NEUROG3: variants seen among roughly 807,000 people sequenced by gnomAD.
The protein encoded by NEUROG3 is neurogenin-3.
For synonymous variants in NEUROG3, 161 were observed against 139.2 expected, an observed-to-expected ratio of 1.16 and a Z score of -1.10; for missense variants, 307 against 297.9, an observed-to-expected ratio of 1.03 and a Z score of -0.22.
rs1299081165 is a variant in NEUROG3, at chr10:69,572,947, TG to T, written c.96del (p.Thr33ArgfsTer45). On this transcript the variant is annotated frameshift_variant, in exon 2 of 2. Coordinates refer to ENST00000242462, the MANE Select transcript of NEUROG3 (RefSeq NM_020999.4). LOFTEE classifies it low-confidence loss of function (END_TRUNC). Reference sequence around the variant, plus strand: ...CGAGTGGGGCTGGGCGGGGCGGACGTGGGGCAGGTCACTTCGTCTTCCGAGG... The same window carrying T: ...CGAGTGGGGCTGGGCGGGGCGGACGTGGGCAGGTCACTTCGTCTTCCGAGG... ...PRASEDEVTCPTSAPPSPTRT... is the reference protein window; with the variant it reads ...PRASEDEVTCXTSAPPSPTRT... 1 of 1,612,798 alleles carries T rather than the reference TG, an allele frequency of 6.2e-7. No individual in the cohort carries two copies. Among genetic ancestry groups the T allele is most frequent in the Admixed American group, 1.7e-5 (1 of 59,994 alleles).
rs1387897394 is a variant in NEUROG3 at position 69,572,816 on chromosome 10, T to G, written c.228A>C (p.Ala76=). 3.1e-6 allele frequency: 5 copies of G among 1,612,714 alleles called. No individual in the cohort carries two copies. The Admixed American group carries it at 8.4e-5, about 27-fold the overall frequency. The change falls in exon 2 of 2, where the codon GCA becomes GCC. Residue 76 remains alanine (A), a synonymous_variant. Coordinates refer to ENST00000242462, the MANE Select transcript of NEUROG3 (RefSeq NM_020999.4). ...GCCGACTCCGTCGCTGCTTGCTCAG[T>G]GCCAACTCGCTCTTAGGCCGGCTGC... ...GGRSRPKSEL[A]LSKQRRSRRK...
At position 69,572,618 on chromosome 10, in the gene NEUROG3, C is replaced by T. The variant is rs369337011; in HGVS notation, c.426G>A (p.Ala142=). The T allele has an allele frequency of 6.2e-7, 1 of 1,614,024 alleles. No individual in the cohort carries two copies. Among genetic ancestry groups the T allele is most frequent in the South Asian group, 1.1e-5 (1 of 91,074 alleles). The change falls in exon 2 of 2, where the codon GCG becomes GCA. Residue 142 remains alanine (A), a synonymous_variant. Coordinates refer to ENST00000242462, the MANE Select transcript of NEUROG3 (RefSeq NM_020999.4). ...GCTCCAGCGCGTACAAGCTGTGGTC[C>T]GCTATGCGCAGCGTTTGAGTCAGCG... is the stretch of plus-strand genomic sequence containing the variant. ...IWALTQTLRI[A]DHSLYALEPP...
In NEUROG3 at chr10:69,572,549, G is replaced by A; in HGVS notation, c.495C>T (p.Ser165=). Reference sequence around the variant, plus strand: ...AGTAGAGGGACCCCCAGTCCCCGGGGGAACCGCCTGGGCTGCCCAGCTCCC... The same window carrying A: ...AGTAGAGGGACCCCCAGTCCCCGGGAGAACCGCCTGGGCTGCCCAGCTCCC... The part of the protein sequence containing the change: ...HCGELGSPGG[S]PGDWGSLYSP... Residue 165 remains serine (S), a synonymous_variant, in exon 2 of 2, where the codon TCC becomes TCT. Transcript: ENST00000242462. The A allele has an allele frequency of 6.2e-7, 1 of 1,609,618 alleles. No individual in the cohort carries two copies. The highest frequency in any genetic ancestry group is 8.5e-7 in the Non-Finnish European group (1 of 1,177,984).
rs2133226935 is a variant in NEUROG3 at position 69,572,605 on chromosome 10, A to T, written c.439T>A (p.Tyr147Asn). 6.2e-7 allele frequency: 1 copy of T among 1,613,974 alleles called. No individual in the cohort carries two copies. Among genetic ancestry groups the T allele is most frequent in the African/African-American group, 1.3e-5 (1 of 75,060 alleles). ...QTLRIADHSL[Y>N]ALEPPAPHCG... ...TGCGGCGCCGGCGGCTCCAGCGCGTACAAGCTGTGGTCCGCTATGCGCAGC... is the reference window on the plus strand; with the variant it reads ...TGCGGCGCCGGCGGCTCCAGCGCGTTCAAGCTGTGGTCCGCTATGCGCAGC... Residue 147 changes from tyrosine (Y) to asparagine (N), a missense_variant, in exon 2 of 2, where the codon TAC becomes AAC. Coordinates refer to ENST00000242462, the MANE Select transcript of NEUROG3 (RefSeq NM_020999.4).
Position 69,571,963 on chromosome 10 carries a change from C to A in NEUROG3, c.*436G>T. On this transcript the variant is annotated 3_prime_UTR_variant, in exon 2 of 2. Transcript: ENST00000242462. ...TTTGGAGCAAGGCAAGGGGAGTAAG[C>A]GCTGAGAGACCAAACATTGGATTGA... 1 of 197,484 alleles carries A rather than the reference C, an allele frequency of 5.1e-6. No homozygotes were observed. Among genetic ancestry groups the A allele is most frequent in the South Asian group, 1.0e-4 (1 of 9,610 alleles). 12.2% of individuals were successfully genotyped at this position (197,484 alleles called of 1,614,324 possible).
rs775785969 is a variant in NEUROG3 at position 69,573,012 on chromosome 10, A to G, written c.32T>C (p.Val11Ala). 11 of 1,613,596 alleles carry G rather than the reference A, an allele frequency of 6.8e-6. No individual in the cohort carries two copies. The South Asian group carries it at 1.2e-4, about 18-fold the overall frequency. The part of the protein sequence containing the change: MTPQPSGAPT[V>A]QVTRETERSF... ...CCGCTCCGTCTCACGGGTCACTTGG[A>G]CAGTGGGCGCACCCGAGGGTTGAGG... Residue 11 changes from valine to alanine, a missense_variant, in exon 2 of 2, where the codon GTC becomes GCC. Coordinates refer to ENST00000242462, the MANE Select transcript of NEUROG3 (RefSeq NM_020999.4).
intron 1 of NEUROG3, 73 bp downstream of exon 1, chr10:69,573,137 A>C: frequency 3.5e-6 from 5 of 1,416,806 alleles, no homozygotes; most frequent in Non-Finnish European, 4.9e-6. Flanking sequence ...AAAAACAGCC[A>C]TCCTCCCAGC....
At chr10:69,573,156 GGTCA>G in intron 1 of NEUROG3, 50 bp downstream of exon 1, 2 of 1,229,088 alleles carry the variant, frequency 1.6e-6, no homozygotes, top group Non-Finnish European at 2.3e-6. Flanking sequence ...GCCCCCGCTG[GGTCA>G]GAGGATCCCT....
In NEUROG3 at chr10:69,572,463, A is replaced by C. The variant is rs773447910; in HGVS notation, c.581T>G (p.Leu194Arg). 1 of 1,590,044 alleles carries C rather than the reference A, an allele frequency of 6.3e-7. No individual in the cohort carries two copies. The highest frequency in any genetic ancestry group is 8.6e-7 in the Non-Finnish European group (1 of 1,169,560). ...GCAGGCGGAAAAGGTGGCCCCCAGCAGCCCGGGTCGCTCCTCCAGCGACGC... is the reference window on the plus strand; with the variant it reads ...GCAGGCGGAAAAGGTGGCCCCCAGCCGCCCGGGTCGCTCCTCCAGCGACGC... ...PAASLEERPG[L>R]LGATFSACLS... is the part of the protein sequence containing the mutation. Residue 194 changes from leucine (L) to arginine (R), a missense_variant, in exon 2 of 2, where the codon CTG becomes CGG. By Grantham distance (102) the Leu-to-Arg change is moderately radical. Coordinates refer to ENST00000242462, the MANE Select transcript of NEUROG3 (RefSeq NM_020999.4).
At position 69,572,643 on chromosome 10, in the gene NEUROG3, G is replaced by T. The variant is rs774084211; in HGVS notation, c.401C>A (p.Ala134Glu). 1 of 1,614,126 alleles carries T rather than the reference G, an allele frequency of 6.2e-7. No individual in the cohort carries two copies. The highest frequency in any genetic ancestry group is 1.7e-5 in the Admixed American group (1 of 60,034). The change falls in exon 2 of 2, where the codon GCG (alanine) becomes GAG (glutamate). Residue 134 changes from alanine (A) to glutamate (E), a missense_variant. Transcript: ENST00000242462. ...TLRFAHNYIW[A>E]LTQTLRIADH... ...CGCTATGCGCAGCGTTTGAGTCAGC[G>T]CCCAGATGTAGTTGTGGGCGAAGCG... is the stretch of plus-strand genomic sequence containing the variant.
intron 1 of NEUROG3, 21 bp from the exon 2 acceptor site, chr10:69,573,065 A>C: frequency 1.2e-6 from 2 of 1,609,076 alleles, no homozygotes; most frequent in African/African-American, 2.7e-5. Flanking sequence ...GTCAGAGGGA[A>C]GGGTAAGTTT....
Position 69,572,883 on chromosome 10 carries a change from C to T in NEUROG3, c.161G>A (p.Cys54Tyr), listed in dbSNP as rs1362519794. 6.2e-7 allele frequency: 1 copy of T among 1,609,836 alleles called. No individual in the cohort carries two copies. Among genetic ancestry groups the T allele is most frequent in the Non-Finnish European group, 8.5e-7 (1 of 1,178,524 alleles). Residue 54 changes from cysteine (C) to tyrosine (Y), a missense_variant, in exon 2 of 2, where the codon TGC becomes TAC. Cys to Tyr is a radical substitution (Grantham distance 194). Coordinates refer to ENST00000242462, the MANE Select transcript of NEUROG3 (RefSeq NM_020999.4). ...GNCAEAEEGG[C>Y]RGAPRKLRAR... ...CCGGAGCTTCCTCGGGGCCCCTCGGCAGCCTCCCTCTTCCGCCTCTGCGCA... is the reference window on the plus strand; with the variant it reads ...CCGGAGCTTCCTCGGGGCCCCTCGGTAGCCTCCCTCTTCCGCCTCTGCGCA...
At position 69,572,596 on chromosome 10, in the gene NEUROG3, C is replaced by G. The variant is rs745978712; in HGVS notation, c.448G>C (p.Glu150Gln). Reference sequence around the variant, plus strand: ...TCCCCGCAGTGCGGCGCCGGCGGCTCCAGCGCGTACAAGCTGTGGTCCGCT... The same window carrying G: ...TCCCCGCAGTGCGGCGCCGGCGGCTGCAGCGCGTACAAGCTGTGGTCCGCT... ...RIADHSLYAL[E>Q]PPAPHCGELG... is the part of the protein sequence containing the mutation. The change falls in exon 2 of 2, where the codon GAG (glutamate) becomes CAG (glutamine). Residue 150 changes from glutamate to glutamine, a missense_variant. Coordinates refer to ENST00000242462, the MANE Select transcript of NEUROG3 (RefSeq NM_020999.4). The G allele has an allele frequency of 3.1e-6, 5 of 1,613,790 alleles. No homozygotes were observed. In the Admixed American group the frequency reaches 8.3e-5, roughly 27 times the overall value.
chr10:69,572,568 A>C lies in NEUROG3; in HGVS notation c.476T>G (p.Leu159Arg). The part of the protein sequence containing the change: ...LEPPAPHCGE[L>R]GSPGGSPGDW... ...CCCGGGGGAACCGCCTGGGCTGCCC[A>C]GCTCCCCGCAGTGCGGCGCCGGCGG... is the stretch of plus-strand genomic sequence containing the variant. Residue 159 changes from leucine (L) to arginine (R), a missense_variant, in exon 2 of 2, where the codon CTG (leucine) becomes CGG (arginine). Physicochemically the swap from Leu to Arg is moderately radical, Grantham distance 102. Coordinates refer to ENST00000242462, the MANE Select transcript of NEUROG3 (RefSeq NM_020999.4). 6.2e-7 allele frequency: 1 copy of C among 1,612,816 alleles called. No individual in the cohort carries two copies. The highest frequency in any genetic ancestry group is 8.5e-7 in the Non-Finnish European group (1 of 1,179,452).
In NEUROG3 at chr10:69,572,079, G is replaced by A. The variant is rs1029159798; in HGVS notation, c.*320C>T. ...CCAAGACGGTGGGCGGCTCCGGCCG[G>A]GTAGTGCTACCATTCTAGTATTCTT... On this transcript the variant is annotated 3_prime_UTR_variant, in exon 2 of 2. Coordinates refer to ENST00000242462, the MANE Select transcript of NEUROG3 (RefSeq NM_020999.4). The A allele has an allele frequency of 2.4e-6, 1 of 415,680 alleles. No homozygotes were observed. The highest frequency in any genetic ancestry group is 4.4e-6 in the Non-Finnish European group (1 of 229,166). 25.7% of individuals were successfully genotyped at this position (415,680 alleles called of 1,614,324 possible).
chr10:69,572,378 C>T lies in NEUROG3; in HGVS notation c.*21G>A, dbSNP rs1241166156. The stretch of plus-strand genomic sequence containing the variant: ...TCTCCCTTACCCTTAGCACCCACAG[C>T]CCAGCGACAGACAGGTCCTTTCACA... On this transcript the variant is annotated 3_prime_UTR_variant, in exon 2 of 2. Coordinates refer to ENST00000242462, the MANE Select transcript of NEUROG3 (RefSeq NM_020999.4). The T allele has an allele frequency of 4.4e-6, 7 of 1,578,922 alleles. No individual in the cohort carries two copies. The highest frequency in any genetic ancestry group is 6.0e-6 in the Non-Finnish European group (7 of 1,170,422).
rs1453934123 is a variant in NEUROG3 at position 69,572,350 on chromosome 10, C to T, written c.*49G>A. ...CACCCTCTACGGCTCCCGGCTCCCT[C>T]CCTCTCCCTTACCCTTAGCACCCAC... On this transcript the variant is annotated 3_prime_UTR_variant, in exon 2 of 2. Coordinates refer to ENST00000242462, the MANE Select transcript of NEUROG3 (RefSeq NM_020999.4). 1 of 1,560,088 alleles carries T rather than the reference C, an allele frequency of 6.4e-7. No individual in the cohort carries two copies. The highest frequency in any genetic ancestry group is 1.8e-5 in the Admixed American group (1 of 55,252).
In NEUROG3 at chr10:69,571,813, C is replaced by T. The variant is rs10998861; in HGVS notation, c.*586G>A. 8,856 of 152,362 alleles carry T rather than the reference C, an allele frequency of 0.058. 323 individuals carry two copies. Among genetic ancestry groups the T allele is most frequent in the East Asian group, 0.16 (812 of 5,170 alleles). 9.4% of individuals were successfully genotyped at this position (152,362 alleles called of 1,614,324 possible). Reference sequence around the variant, plus strand: ...CAGTTCACAGCCTGGTCTTCCGCCCCGGGAGGGCAATGGCTCCGAAAAGTG... The same window carrying T: ...CAGTTCACAGCCTGGTCTTCCGCCCTGGGAGGGCAATGGCTCCGAAAAGTG... On this transcript the variant is annotated 3_prime_UTR_variant, in exon 2 of 2. Transcript: ENST00000242462.
Position 69,572,675 on chromosome 10 carries a change from C to G in NEUROG3, c.369G>C (p.Glu123Asp), listed in dbSNP as rs1244019663. Residue 123 changes from glutamate (E) to aspartate (D), a missense_variant, in exon 2 of 2, where the codon GAG (glutamate) becomes GAC (aspartate). Physicochemically the swap from Glu to Asp is conservative, Grantham distance 45. Coordinates refer to ENST00000242462, the MANE Select transcript of NEUROG3 (RefSeq NM_020999.4). ...FPDDAKLTKI[E>D]TLRFAHNYIW... ...TGTAGTTGTGGGCGAAGCGCAGCGT[C>G]TCGATCTTGGTGAGCTTCGCGTCGT... 1 of 1,614,016 alleles carries G rather than the reference C, an allele frequency of 6.2e-7. No homozygotes were observed. The highest frequency in any genetic ancestry group is 1.3e-5 in the African/African-American group (1 of 74,938).
Sources: gnomAD v4.1 joint callset for allele counts on GRCh38, gnomAD v4.1.1 for gene constraint, MANE v1.5 for transcripts, NCBI Gene and HGNC (gene_info 2026-07-23, HGNC 2026-07-21) for gene names.